The following FRMD8 variants were observed in gnomAD, a reference collection of about 807,000 sequenced individuals.
FRMD8 encodes FERM domain-containing protein 8.
FRMD8 carries 37 observed loss-of-function variants against 54.2 expected under a neutral mutation model. The observed-to-expected ratio is 0.68, with a 90% CI of 0.53 to 0.90. The LOEUF is 0.90. FRMD8 is among the 40% of genes least tolerant of loss of function. The pLI, the probability that FRMD8 is intolerant of heterozygous loss-of-function variation, is 0.00. For missense variants in FRMD8, 585 were observed against 653.7 expected, an observed-to-expected ratio of 0.89 and a Z score of 1.15; for synonymous variants, 246 against 286.9, an observed-to-expected ratio of 0.86 and a Z score of 1.44.
At chr11:65,377,132 C>A in the FRMD8 span, 3 of 1,559,198 alleles carry the variant, frequency 1.9e-6, no homozygotes, top group Non-Finnish European at 2.6e-6. Context: ...GGAACTGGCC[C>A]CTTATATTCA....
chr11:65,394,410 C>G lies in FRMD8; in HGVS notation c.566C>G (p.Ala189Gly). Reference sequence around the variant, plus strand: ...GGGCCCTACCAGCCCGGCCGGCCGGCAGCCTGCGACCTGAGGTGAGGGCCT... The same window carrying G: ...GGGCCCTACCAGCCCGGCCGGCCGGGAGCCTGCGACCTGAGGTGAGGGCCT... The part of the protein sequence containing the change: ...QLGPYQPGRP[A>G]ACDLREKLDS... Residue 189 changes from alanine to glycine, a missense_variant, in exon 6 of 11, where the codon GCA becomes GGA. Transcript: ENST00000317568. 6.4e-7 allele frequency: 1 copy of G among 1,568,224 alleles called. No individual in the cohort carries two copies. Among genetic ancestry groups the G allele is most frequent in the Admixed American group, 1.9e-5 (1 of 53,262 alleles).
chr11:65,377,258 G>T, the FRMD8 span: 1 of 1,423,480 alleles, frequency 7.0e-7, no homozygotes, highest in African/African-American at 1.4e-5. Context: ...GCATGCGACC[G>T]GGACAGGCCA....
chr11:65,374,424 G>A, the FRMD8 span, among the ~76,000 whole-genome samples: 1 of 141,776 alleles, frequency 7.1e-6, no homozygotes, highest in Non-Finnish European at 1.6e-5. Flanking sequence ...TTTACCCGCG[G>A]TGTGACCTAG....
At chr11:65,407,982 T>C (rs974298820) in intron 10 of FRMD8, among the ~76,000 whole-genome samples, 7 of 152,142 alleles carry the variant, frequency 4.6e-5, no homozygotes, top group African/African-American at 1.7e-4. Context: ...GGCTGTAGCT[T>C]TGACTTTTTC....
chr11:65,382,107 AGAG>A, upstream of FRMD8: 2 of 692,952 alleles, frequency 2.9e-6, no homozygotes, highest in Non-Finnish European at 5.2e-6. This position sits in a 1 kb window ranked among gnomAD's most constrained non-coding sequence, Gnocchi z 4.4. Context: ...GGCAACTGGC[AGAG>A]GAGAGCGAGC....
the FRMD8 span, chr11:65,376,913 C>G: frequency 6.2e-7 from 1 of 1,613,976 alleles, no homozygotes; most frequent in Non-Finnish European, 8.5e-7. Context: ...CGTCAGGGCC[C>G]AGGCTCCTCG....
upstream of FRMD8, among the ~76,000 whole-genome samples, chr11:65,385,544 G>A (rs146294643): frequency 1.4e-3 from 218 of 152,276 alleles, 1 homozygote; most frequent in African/African-American, 4.9e-3. Flanking sequence ...CCCAGAAGGT[G>A]CCCCATGGAC....
Position 65,386,702 on chromosome 11 carries a change from G to A in FRMD8, c.-60G>A, listed in dbSNP as rs1855738418. 1 of 314,418 alleles carries A rather than the reference G, an allele frequency of 3.2e-6. No individual in the cohort carries two copies. Among genetic ancestry groups the A allele is most frequent in the Non-Finnish European group, 5.8e-6 (1 of 171,042 alleles). The allele number at this position is 314,418 out of a possible 1,614,324, so 19.5% of individuals were successfully genotyped here. A position where few individuals can be genotyped will look rare whatever the true frequency, so the allele number is the denominator to read the frequency against. ...TGCGGGCGGTGGCGGGCTTGGCGGC[G>A]GGGCAGGATTCCAGGCAGGAGCCTT... On this transcript the variant is annotated 5_prime_UTR_variant, in exon 1 of 11. Coordinates refer to ENST00000317568, the MANE Select transcript of FRMD8 (RefSeq NM_031904.5).
chr11:65,393,740 C>A, intron 4 of FRMD8, 66 bp downstream of exon 4: 1 of 1,349,980 alleles, frequency 7.4e-7, no homozygotes, highest in Non-Finnish European at 1.0e-6. Flanking sequence ...GGCTCCCAGC[C>A]CAGCCAGGGC....
chr11:65,394,342 G>A lies in FRMD8; in HGVS notation c.498G>A (p.Glu166=). ...VLAARYPCDV[E]DCEALGALVC... is the part of the protein sequence containing the mutation. ...CTGCACGGTACCCGTGCGACGTGGA[G>A]GACTGCGAGGCTCTGGGCGCCCTGG... Residue 166 remains glutamate, a synonymous_variant, in exon 6 of 11, where the codon GAG becomes GAA. Coordinates refer to ENST00000317568, the MANE Select transcript of FRMD8 (RefSeq NM_031904.5). 1 of 1,583,360 alleles carries A rather than the reference G, an allele frequency of 6.3e-7. No individual in the cohort carries two copies. Among genetic ancestry groups the A allele is most frequent in the Admixed American group, 1.8e-5 (1 of 55,236 alleles).
At position 65,412,804 on chromosome 11, in the gene FRMD8, A is replaced by G. The variant is rs1856365076; in HGVS notation, c.*1444A>G. The G allele has an allele frequency of 6.6e-6, 1 of 152,194 alleles. No individual in the cohort carries two copies. Among genetic ancestry groups the G allele is most frequent in the African/African-American group, 2.4e-5 (1 of 41,432 alleles). 9.4% of individuals were successfully genotyped at this position (152,194 alleles called of 1,614,324 possible). Reference sequence around the variant, plus strand: ...CTGGCAGCATGGACTTTGTTAAAATAATAGGCGGAAAGAAGAGGCCTGGGA... The same window carrying G: ...CTGGCAGCATGGACTTTGTTAAAATGATAGGCGGAAAGAAGAGGCCTGGGA... On this transcript the variant is annotated 3_prime_UTR_variant, in exon 11 of 11. Transcript: ENST00000317568.
In FRMD8 at chr11:65,404,562, AC is replaced by A. The variant is rs1856149517; in HGVS notation, c.1072-297del. ...TCCTCTCTGCAGCAGCTGGCTCCCT[AC>A]CCCCTCCCTCCCCACCTGCTTCTGC... On this transcript the variant is annotated intron_variant, in intron 9 of 10. Transcript: ENST00000317568. The surrounding 1 kb of genome is among the most constrained non-coding windows in gnomAD (Gnocchi z 4.7). Among the ~76,000 whole-genome samples the A allele has an allele frequency of 8.3e-6, 1 of 120,706 alleles. No individual in the cohort carries two copies. Among genetic ancestry groups the A allele is most frequent in the African/African-American group, 3.3e-5 (1 of 30,420 alleles). 79.2% of individuals were successfully genotyped at this position (120,706 alleles called of 152,430 possible).
chr11:65,398,057 G>T (rs1277331053), intron 7 of FRMD8, among the ~76,000 whole-genome samples: 1 of 152,038 alleles, frequency 6.6e-6, no homozygotes, highest in Non-Finnish European at 1.5e-5. Context: ...TGTATTTTTA[G>T]TAGAGATAGG....
intron 3 of FRMD8, among the ~76,000 whole-genome samples, chr11:65,390,007 C>G (rs1855812664): frequency 1.3e-5 from 2 of 152,152 alleles, no homozygotes; most frequent in Non-Finnish European, 2.9e-5. Context: ...CCCGGTCGGC[C>G]TCTTTGAACT....
At chr11:65,409,492 A>C (rs1223029383) in intron 10 of FRMD8, among the ~76,000 whole-genome samples, 3 of 152,138 alleles carry the variant, frequency 2.0e-5, no homozygotes, top group African/African-American at 7.2e-5. Flanking sequence ...TAAAATTAAC[A>C]ATCTGGCCAG....
At chr11:65,398,276 G>A (rs775016548) in intron 7 of FRMD8, among the ~76,000 whole-genome samples, 1 of 152,218 alleles carries the variant, frequency 6.6e-6, no homozygotes, top group Non-Finnish European at 1.5e-5. Context: ...GGGATCATAC[G>A]CATGAGCCAC....
chr11:65,405,259 G>T (rs1295903941), intron 10 of FRMD8, among the ~76,000 whole-genome samples, 191 bp downstream of exon 10: 1 of 152,254 alleles, frequency 6.6e-6, no homozygotes, highest in African/African-American at 2.4e-5. Context: ...CCTTCTCACT[G>T]CTGCGTCACA....
intron 10 of FRMD8, among the ~76,000 whole-genome samples, chr11:65,406,007 A>T (rs1007716963): frequency 2.0e-5 from 3 of 151,222 alleles, no homozygotes; most frequent in Admixed American, 1.3e-4. Context: ...CCCTATATAT[A>T]TATATTTTTT....
At chr11:65,369,330 A>C in the FRMD8 span, among the ~76,000 whole-genome samples, 7 of 152,018 alleles carry the variant, frequency 4.6e-5, no homozygotes, top group African/African-American at 1.7e-4. Flanking sequence ...CATGCCTGTA[A>C]TCTCAGCACT....
Sources: gnomAD v4.1 joint callset for allele counts (sites outside exome capture counted in the v4.1 genomes callset) on GRCh38, gnomAD v4.1.1 for gene constraint, Gnocchi (gnomAD v3.1) non-coding constraint, MANE v1.5 for transcripts, NCBI Gene and HGNC (gene_info 2026-07-23, HGNC 2026-07-21) for gene names.